Variants in KANK1 observed in about 807,000 individuals in gnomAD.
KANK1 encodes the protein KN motif and ankyrin repeat domain-containing protein 1.
In KANK1, 109 loss-of-function variants were observed where a neutral mutation model predicts 106.2. That is an observed-to-expected ratio of 1.03 (90% CI 0.88 to 1.20). The LOEUF (loss-of-function observed/expected upper bound fraction) is 1.20, where lower values mean the gene tolerates loss of function less well. Among genes scored for constraint, KANK1 ranks in the 50% most tolerant of loss-of-function variants. The pLI is 0.00. For missense variants in KANK1, 2,399 were observed against 1,710.7 expected (o/e 1.40, Z -7.10); for synonymous variants, 873 against 652.2 (o/e 1.34, Z -5.16).
chr9:557,954 A>G (rs751268276), intron 1 of KANK1, among the ~76,000 whole-genome samples: 18 of 152,086 alleles, frequency 1.2e-4, no homozygotes, highest in Non-Finnish European at 2.5e-4. Context: ...ACAGTGAGCT[A>G]TGATCGCGCC....
At position 627,658 on chromosome 9, in the gene KANK1, T is replaced by C. The variant is rs555891241; in HGVS notation, c.-83-49232T>C. On this transcript the variant is annotated intron_variant, in intron 1 of 11. Coordinates refer to ENST00000382297, the MANE Select transcript of KANK1 (RefSeq NM_015158.5). ...TCAGTCTGCTATTTTGAAAGCATCATGTCATTCCAGCTCGTATCTTGGTTT... is the reference window on the plus strand; with the variant it reads ...TCAGTCTGCTATTTTGAAAGCATCACGTCATTCCAGCTCGTATCTTGGTTT... 9.9e-4 allele frequency among the ~76,000 whole-genome samples: 151 copies of C among 152,362 alleles called. 1 individual carries two copies. The highest frequency in any genetic ancestry group is 3.3e-3 in the African/African-American group (138 of 41,570).
chr9:629,342 T>A lies in KANK1; in HGVS notation c.-83-47548T>A, dbSNP rs1231970844. Among the ~76,000 whole-genome samples the A allele has an allele frequency of 7.9e-5, 12 of 152,068 alleles. No individual in the cohort carries two copies. The East Asian group carries it at 1.9e-3, about 24-fold the overall frequency. On this transcript the variant is annotated intron_variant, in intron 1 of 11. Transcript: ENST00000382297. ...AAAACCAGAGTGGGTCACGAGTCAC[T>A]CTCTCTCTTCCCCCAGCCACAGTGG...
chr9:509,347 C>T (rs1005824787), intron 1 of KANK1, among the ~76,000 whole-genome samples: 1 of 152,154 alleles, frequency 6.6e-6, no homozygotes. Context: ...CCACCCACCT[C>T]GGCCTCCCAA....
At chr9:546,586 C>T (rs904522814) in intron 1 of KANK1, among the ~76,000 whole-genome samples, 3 of 152,050 alleles carry the variant, frequency 2.0e-5, no homozygotes, top group African/African-American at 7.2e-5. Context: ...ACCTCTCTAC[C>T]ATAGAACTCT....
intron 1 of KANK1, among the ~76,000 whole-genome samples, chr9:562,683 C>G (rs1047098605): frequency 1.3e-5 from 2 of 152,138 alleles, no homozygotes; most frequent in African/African-American, 4.8e-5. Context: ...TTGGATAGTA[C>G]TTTCTAACCT....
At chr9:548,138 T>TAAAG (rs1362310311) in intron 1 of KANK1, among the ~76,000 whole-genome samples, 3 of 152,230 alleles carry the variant, frequency 2.0e-5, no homozygotes, top group Non-Finnish European at 4.4e-5. Context: ...AAAAAATTCC[T>TAAAG]TAGGATTTCT....
intron 1 of KANK1, among the ~76,000 whole-genome samples, chr9:673,162 C>G (rs145498300): frequency 2.0e-5 from 3 of 150,168 alleles, no homozygotes; most frequent in African/African-American, 7.4e-5. Context: ...TCTCTTTGCA[C>G]AGACACTGCC....
At chr9:687,378 TTAATCTC>T (rs1451582414) in intron 2 of KANK1, among the ~76,000 whole-genome samples, 1 of 152,200 alleles carries the variant, frequency 6.6e-6, no homozygotes, top group African/African-American at 2.4e-5. Flanking sequence ...TTCACAAACT[TTAATCTC>T]TAACTATTAT....
rs986310233 is a variant in KANK1 at position 644,710 on chromosome 9, G to A, written c.-83-32180G>A. Among the ~76,000 whole-genome samples the A allele has an allele frequency of 6.6e-5, 10 of 150,812 alleles. 1 individual carries two copies. The highest frequency in any genetic ancestry group is 1.5e-4 in the African/African-American group (6 of 40,152). ...CCACTAGGCCCCACCTTCAACACTC[G>A]GGATTACTGTTCAACATGAGACTTG... On this transcript the variant is annotated intron_variant, in intron 1 of 11. Coordinates refer to ENST00000382297, the MANE Select transcript of KANK1 (RefSeq NM_015158.5).
At chr9:655,961 C>T (rs1026919054) in intron 1 of KANK1, among the ~76,000 whole-genome samples, 2 of 152,192 alleles carry the variant, frequency 1.3e-5, no homozygotes, top group Admixed American at 1.3e-4. Context: ...AGGATCTTGC[C>T]TTCTGGCTTC....
intron 1 of KANK1, among the ~76,000 whole-genome samples, chr9:570,482 G>A (rs1176618687): frequency 6.6e-6 from 1 of 152,158 alleles, no homozygotes; most frequent in Non-Finnish European, 1.5e-5. Context: ...CTGTGACCTA[G>A]ACCCTGTCTC....
intron 1 of KANK1, among the ~76,000 whole-genome samples, chr9:529,545 C>T (rs2059966180): frequency 6.6e-6 from 1 of 152,144 alleles, no homozygotes; most frequent in African/African-American, 2.4e-5. Flanking sequence ...TTCTCTCTCC[C>T]TGTGAAATCA....
At chr9:578,499 G>A (rs189692806) in intron 1 of KANK1, among the ~76,000 whole-genome samples, 13 of 151,896 alleles carry the variant, frequency 8.6e-5, no homozygotes, top group African/African-American at 2.9e-4. Flanking sequence ...AGGGGGTGCA[G>A]TCCTCTATAC....
intron 1 of KANK1, among the ~76,000 whole-genome samples, chr9:551,524 G>A (rs1397447059): frequency 1.3e-5 from 2 of 152,134 alleles, no homozygotes; most frequent in Non-Finnish European, 2.9e-5. Context: ...TGATCTGAAA[G>A]TGTTTACCTC....
intron 1 of KANK1, among the ~76,000 whole-genome samples, chr9:619,907 C>T (rs999342448): frequency 5.9e-5 from 9 of 151,978 alleles, no homozygotes; most frequent in African/African-American, 9.7e-5. Flanking sequence ...GAGTCTGAGG[C>T]GAGCAGATCA....
chr9:722,756 C>G lies in KANK1; in HGVS notation c.2699-7295C>G, dbSNP rs2885162. Among the ~76,000 whole-genome samples, 3 of 152,228 alleles carry G rather than the reference C, an allele frequency of 2.0e-5. No homozygotes were observed. The East Asian group carries it at 5.8e-4, about 29-fold the overall frequency. ...AGGTTCTTTTCCTTACCAGTTAAGCCTCAGTAGAATCCTCATGACCTTTGG... is the reference window on the plus strand; with the variant it reads ...AGGTTCTTTTCCTTACCAGTTAAGCGTCAGTAGAATCCTCATGACCTTTGG... On this transcript the variant is annotated intron_variant, in intron 3 of 11. Transcript: ENST00000382297.
At chr9:666,359 T>C (rs1844580075) in intron 1 of KANK1, among the ~76,000 whole-genome samples, 1 of 152,240 alleles carries the variant, frequency 6.6e-6, no homozygotes, top group Admixed American at 6.5e-5. Flanking sequence ...TAATAGTTTT[T>C]TGGTTTTTAA....
chr9:556,817 C>G (rs1354061841), intron 1 of KANK1, among the ~76,000 whole-genome samples: 1 of 152,178 alleles, frequency 6.6e-6, no homozygotes, highest in Non-Finnish European at 1.5e-5. Context: ...GAGCTGCTTT[C>G]TCGCTTGTTA....
At position 738,509 on chromosome 9, in the gene KANK1, G is replaced by A. The variant is rs114914725; in HGVS notation, c.3553+5G>A. The A allele has an allele frequency of 1.0e-3, 1,686 of 1,610,444 alleles. 7 individuals carry two copies. The African/African-American group carries it at 0.014, about 14-fold the overall frequency. On this transcript the variant is annotated splice_donor_5th_base_variant and intron_variant, in intron 8 of 11. Transcript: ENST00000382297. ...TGAAGCTGCTGTTAGATGCCGGTAT[G>A]TTGGCTGCCCTTCCACCCTCTCTTC...
Sources: allele counts gnomAD v4.1 joint callset (sites outside exome capture counted in the v4.1 genomes callset), GRCh38; gene constraint gnomAD v4.1.1; transcripts MANE v1.5; gene names NCBI Gene and HGNC (gene_info 2026-07-23, HGNC 2026-07-21).